RBFOX1: variants seen among roughly 807,000 people sequenced by gnomAD.
The protein encoded by RBFOX1 is RNA binding fox-1 homolog 1.
In RBFOX1, 8 loss-of-function variants were observed where a neutral mutation model predicts 57.7. The ratio of observed to expected loss-of-function variants is 0.14; its 90% CI spans 0.08 to 0.25. The LOEUF is 0.25. Among genes scored for constraint, RBFOX1 ranks in the 10% least tolerant of loss-of-function variants. The pLI is 1.00. For missense variants in RBFOX1, 611 were observed against 548.5 expected (o/e 1.11, Z -1.14); for synonymous variants, 326 against 222.4 (o/e 1.47, Z -4.15).
chr16:5,751,703 C>T (rs2053212264), intron 3 of RBFOX1, among the ~76,000 whole-genome samples: 1 of 152,182 alleles, frequency 6.6e-6, no homozygotes, highest in Non-Finnish European at 1.5e-5. Flanking sequence ...ATACTGTTAG[C>T]TGTAGAATAT....
At chr16:6,238,802 T>C (rs1281328474) in intron 1 of RBFOX1, among the ~76,000 whole-genome samples, 1 of 152,222 alleles carries the variant, frequency 6.6e-6, no homozygotes, top group Non-Finnish European at 1.5e-5. Context: ...ATTTATGGGG[T>C]ACATGAGATG....
intron 1 of RBFOX1, among the ~76,000 whole-genome samples, chr16:6,099,367 G>T (rs2096279208): frequency 6.6e-6 from 1 of 152,120 alleles, no homozygotes; most frequent in African/African-American, 2.4e-5. Flanking sequence ...CATCTGATAG[G>T]GTCCTGTTGT....
In RBFOX1 at chr16:7,243,938, T is replaced by G. The variant is rs545804882; in HGVS notation, c.27+191840T>G. Among the ~76,000 whole-genome samples, 81 of 151,718 alleles carry G rather than the reference T, an allele frequency of 5.3e-4. 3 individuals carry two copies. In the South Asian group the frequency reaches 0.016, roughly 30 times the overall value. On this transcript the variant is annotated intron_variant, in intron 4 of 15. Transcript: ENST00000550418. ...TTTCTAATGGATTTAAGAGATTCAT[T>G]AAACCTCTGAAGTCACATACAAAAC...
At chr16:7,510,454 T>G in intron 4 of RBFOX1, 2 of 653,678 alleles carry the variant, frequency 3.1e-6, no homozygotes, top group Non-Finnish European at 3.8e-6. Flanking sequence ...GGAGAGGAGT[T>G]TTGGTGAAGA....
At chr16:7,228,620 G>T (rs1603392550) in intron 4 of RBFOX1, among the ~76,000 whole-genome samples, 1 of 152,290 alleles carries the variant, frequency 6.6e-6, no homozygotes, top group African/African-American at 2.4e-5. Flanking sequence ...TTCAAATCTT[G>T]GGCTAGAAGG....
chr16:7,310,603 C>G (rs185849824), intron 4 of RBFOX1, among the ~76,000 whole-genome samples: 1 of 152,198 alleles, frequency 6.6e-6, no homozygotes, highest in African/African-American at 2.4e-5. Context: ...TCAGGCACCA[C>G]TTCCTAAGTC....
At chr16:5,801,776 C>G (rs2055065225) in intron 3 of RBFOX1, among the ~76,000 whole-genome samples, 1 of 152,124 alleles carries the variant, frequency 6.6e-6, no homozygotes, top group South Asian at 2.1e-4. Flanking sequence ...TGTTTTATTC[C>G]TATGCTGACA....
intron 2 of RBFOX1, among the ~76,000 whole-genome samples, chr16:6,331,208 C>T (rs887459797): frequency 8.5e-5 from 13 of 152,132 alleles, no homozygotes; most frequent in East Asian, 3.9e-4. Context: ...CCCAGCACTT[C>T]GGGAGGCCAA....
intron 4 of RBFOX1, among the ~76,000 whole-genome samples, chr16:5,937,840 T>A (rs1597866768): frequency 6.6e-6 from 1 of 150,954 alleles, no homozygotes; most frequent in Non-Finnish European, 1.5e-5. Context: ...TACATACATA[T>A]ATATGGTTAT....
At chr16:6,225,936 A>T (rs1037833310) in intron 1 of RBFOX1, among the ~76,000 whole-genome samples, 1 of 152,212 alleles carries the variant, frequency 6.6e-6, no homozygotes, top group Admixed American at 6.5e-5. Flanking sequence ...GGAATTAACC[A>T]TTTGAAACCT....
At chr16:7,361,768 G>A (rs1339693274) in intron 4 of RBFOX1, among the ~76,000 whole-genome samples, 1 of 152,126 alleles carries the variant, frequency 6.6e-6, no homozygotes, top group East Asian at 1.9e-4. Flanking sequence ...GCTGCATCAA[G>A]GGGCAAACCG....
intron 4 of RBFOX1, among the ~76,000 whole-genome samples, chr16:7,313,928 G>T (rs527906815): frequency 6.6e-6 from 1 of 152,172 alleles, no homozygotes; most frequent in African/African-American, 2.4e-5. Context: ...AGGTTCCTGC[G>T]TTGGAAGAAT....
intron 1 of RBFOX1, among the ~76,000 whole-genome samples, chr16:5,408,589 G>T (rs2066926315): frequency 6.6e-6 from 1 of 152,198 alleles, no homozygotes; most frequent in African/African-American, 2.4e-5. Flanking sequence ...GTGTGTGGCT[G>T]CTGTATTAGG....
At chr16:6,365,320 G>A (rs918904427) in intron 2 of RBFOX1, among the ~76,000 whole-genome samples, 10 of 151,296 alleles carry the variant, frequency 6.6e-5, no homozygotes, top group African/African-American at 2.4e-4. Flanking sequence ...GTTTGGATGG[G>A]TGGATGGGTG....
At chr16:7,113,704 C>G (rs1445711373) in intron 4 of RBFOX1, among the ~76,000 whole-genome samples, 5 of 152,180 alleles carry the variant, frequency 3.3e-5, no homozygotes, top group East Asian at 1.9e-4. Flanking sequence ...ATGTGGAGAT[C>G]TATTTTGTTC....
chr16:7,403,386 C>T (rs1225319969), intron 4 of RBFOX1, among the ~76,000 whole-genome samples: 2 of 152,122 alleles, frequency 1.3e-5, no homozygotes, highest in South Asian at 2.1e-4. Context: ...CTCCCCATTC[C>T]CTGCTCCCTT....
intron 11 of RBFOX1, among the ~76,000 whole-genome samples, chr16:7,650,237 A>C (rs978751584): frequency 6.6e-5 from 10 of 152,140 alleles, no homozygotes; most frequent in Non-Finnish European, 1.3e-4. Context: ...TGAAAATACC[A>C]ACCACCCAGG....
intron 4 of RBFOX1, among the ~76,000 whole-genome samples, chr16:7,261,999 A>C (rs911476100): frequency 1.3e-5 from 2 of 152,134 alleles, no homozygotes; most frequent in African/African-American, 4.8e-5. Context: ...TCTTTTCCTG[A>C]TTATCCCTTT....
At chr16:6,927,338 G>T (rs564270650) in intron 3 of RBFOX1, among the ~76,000 whole-genome samples, 1 of 147,568 alleles carries the variant, frequency 6.8e-6, no homozygotes, top group Non-Finnish European at 1.5e-5. Flanking sequence ...GCTGGAACCC[G>T]GGAGGCAGAG....
Sources: gnomAD v4.1 joint callset for allele counts (sites outside exome capture counted in the v4.1 genomes callset) on GRCh38, gnomAD v4.1.1 for gene constraint, MANE v1.5 for transcripts, NCBI Gene and HGNC (gene_info 2026-07-23, HGNC 2026-07-21) for gene names.